Variants in UBE2Q2 observed in about 807,000 individuals in gnomAD.
UBE2Q2 encodes the protein ubiquitin conjugating enzyme E2 Q2, also known as ubiquitin-conjugating enzyme E2 Q2.
UBE2Q2 carries 54 observed loss-of-function variants against 59.9 expected under a neutral mutation model. The ratio of observed to expected loss-of-function variants is 0.90; its 90% confidence interval spans 0.72 to 1.13. The LOEUF (loss-of-function observed/expected upper bound fraction) is 1.13. Among genes scored for constraint, UBE2Q2 ranks in the 50% most tolerant of loss-of-function variants. The pLI, the probability that UBE2Q2 is intolerant of heterozygous loss-of-function variation, is 0.00. For missense variants in UBE2Q2, 433 were observed against 441.9 expected (o/e 0.98, Z 0.18); for synonymous variants, 165 against 155.2 (o/e 1.06, Z -0.47).
chr15:75,846,033 C>G lies in UBE2Q2; in HGVS notation c.180+2187C>G, dbSNP rs576412794. On this transcript the variant is annotated intron_variant, in intron 1 of 12. Coordinates refer to ENST00000267938, the MANE Select transcript of UBE2Q2 (RefSeq NM_173469.4). Reference sequence around the variant, plus strand: ...TAATTATCATGGCAGCTGCTCAGTACAAATGTCTGCTAACTTTTTATTATG... The same window carrying G: ...TAATTATCATGGCAGCTGCTCAGTAGAAATGTCTGCTAACTTTTTATTATG... Among the ~76,000 whole-genome samples, 4 of 152,294 alleles carry G rather than the reference C, an allele frequency of 2.6e-5. No homozygotes were observed. The South Asian group carries it at 8.3e-4, about 32-fold the overall frequency.
chr15:75,867,367 T>C (rs2141598145), intron 3 of UBE2Q2, among the ~76,000 whole-genome samples: 1 of 152,340 alleles, frequency 6.6e-6, no homozygotes, highest in East Asian at 1.9e-4. Flanking sequence ...GTCCCTGCAT[T>C]ATTTGGATTG....
intron 3 of UBE2Q2, among the ~76,000 whole-genome samples, chr15:75,862,548 G>T (rs889638321): frequency 6.6e-6 from 1 of 150,890 alleles, no homozygotes; most frequent in African/African-American, 2.4e-5. Flanking sequence ...TGGGTGTGGT[G>T]GCTCACACGT....
chr15:75,857,131 C>T (rs1391965860), intron 2 of UBE2Q2, among the ~76,000 whole-genome samples: 3 of 151,812 alleles, frequency 2.0e-5, no homozygotes, highest in South Asian at 2.1e-4. Flanking sequence ...CACGTACGTA[C>T]GTATGTTAAG....
At chr15:75,885,018 A>AT (rs1898676824) in intron 9 of UBE2Q2, among the ~76,000 whole-genome samples, 1 of 151,886 alleles carries the variant, frequency 6.6e-6, no homozygotes, top group Non-Finnish European at 1.5e-5. Flanking sequence ...TCTTAATTTT[A>AT]TTTTTTTCAG....
In UBE2Q2 at chr15:75,873,687, G is replaced by C. The variant is rs1386272059; in HGVS notation, c.588+119G>C. 5 of 1,137,970 alleles carry C rather than the reference G, an allele frequency of 4.4e-6. No individual in the cohort carries two copies. The East Asian group carries it at 1.2e-4, about 28-fold the overall frequency. 70.5% of individuals were successfully genotyped at this position (1,137,970 alleles called of 1,614,324 possible). A position where few individuals can be genotyped will look rare whatever the true frequency, so the allele number is the denominator to read the frequency against. ...CCTCTTCCTCCATTTCTGCCTTAGTGGTGGATTCAGTCATGTGTGTTTTAA... is the reference window on the plus strand; with the variant it reads ...CCTCTTCCTCCATTTCTGCCTTAGTCGTGGATTCAGTCATGTGTGTTTTAA... On this transcript the variant is annotated intron_variant, in intron 5 of 12. Transcript: ENST00000267938.
chr15:75,871,852 A>T (rs546619633), intron 4 of UBE2Q2, among the ~76,000 whole-genome samples: 1 of 152,244 alleles, frequency 6.6e-6, no homozygotes, highest in South Asian at 2.1e-4. Flanking sequence ...TAAGCAGGGA[A>T]TAGTGTGCTG....
chr15:75,886,385 G>A (rs1282039101), intron 9 of UBE2Q2, among the ~76,000 whole-genome samples: 1 of 152,054 alleles, frequency 6.6e-6, no homozygotes, highest in Non-Finnish European at 1.5e-5. Flanking sequence ...CTCCCAAAGT[G>A]CTAGGATTAT....
rs755142971 is a variant in UBE2Q2 at position 75,843,649 on chromosome 15, G to T, written c.-18G>T. On this transcript the variant is annotated 5_prime_UTR_variant, in exon 1 of 13. Transcript: ENST00000267938. ...CCGGCTCCCCTTCCGCGCCCCTCCC[G>T]CCGGAGATGAGGGGAAGATGTCCGT... is the stretch of plus-strand genomic sequence containing the variant. 3 of 1,559,698 alleles carry T rather than the reference G, an allele frequency of 1.9e-6. No individual in the cohort carries two copies. The highest frequency in any genetic ancestry group is 2.6e-5 in the East Asian group (1 of 38,362).
chr15:75,867,355 T>A lies in UBE2Q2; in HGVS notation c.388-1596T>A, dbSNP rs185335807. Among the ~76,000 whole-genome samples the A allele has an allele frequency of 1.2e-3, 186 of 152,334 alleles. 1 individual carries two copies. Among genetic ancestry groups the A allele is most frequent in the African/African-American group, 4.2e-3 (174 of 41,580 alleles). On this transcript the variant is annotated intron_variant, in intron 3 of 12. Coordinates refer to ENST00000267938, the MANE Select transcript of UBE2Q2 (RefSeq NM_173469.4). The stretch of plus-strand genomic sequence containing the variant: ...AATGTCTGATTCTTCTGAAAAAAAG[T>A]GGTCCCTGCATTATTTGGATTGAGT...
chr15:75,894,081 T>C (rs1324858876), intron 11 of UBE2Q2, among the ~76,000 whole-genome samples: 1 of 152,228 alleles, frequency 6.6e-6, no homozygotes, highest in Non-Finnish European at 1.5e-5. Flanking sequence ...GTATAACTCA[T>C]GCAAACAGCC....
At chr15:75,880,484 A>ATT (rs112205665) in intron 8 of UBE2Q2, among the ~76,000 whole-genome samples, 8 of 127,856 alleles carry the variant, frequency 6.3e-5, no homozygotes, top group Admixed American at 1.6e-4. Flanking sequence ...AATGTTAATG[A>ATT]TTTTTTTTTT....
chr15:75,894,730 C>T (rs1453405914), intron 11 of UBE2Q2, among the ~76,000 whole-genome samples: 1 of 151,922 alleles, frequency 6.6e-6, no homozygotes, highest in Non-Finnish European at 1.5e-5. Context: ...TTTTGAGTAC[C>T]TTGCTACTGA....
intron 8 of UBE2Q2, among the ~76,000 whole-genome samples, chr15:75,880,365 G>T (rs1164207107): frequency 4.6e-5 from 7 of 151,966 alleles, no homozygotes; most frequent in Non-Finnish European, 7.4e-5. Context: ...TGCCTGCCTC[G>T]GCCTCCCAAA....
At chr15:75,851,337 T>C (rs1483778439) in intron 1 of UBE2Q2, among the ~76,000 whole-genome samples, 1 of 152,042 alleles carries the variant, frequency 6.6e-6, no homozygotes, top group Non-Finnish European at 1.5e-5. Context: ...AACTTGGTCT[T>C]TCTTGAACTT....
chr15:75,843,999 C>T (rs1896171533), intron 1 of UBE2Q2, 153 bp downstream of exon 1: 2 of 1,406,792 alleles, frequency 1.4e-6, no homozygotes, highest in Non-Finnish European at 9.2e-7. Context: ...CCATCCCAGG[C>T]CGGGCTGGGA....
At chr15:75,874,842 G>A (rs887002538) in intron 5 of UBE2Q2, among the ~76,000 whole-genome samples, 1 of 152,146 alleles carries the variant, frequency 6.6e-6, no homozygotes, top group Admixed American at 6.5e-5. Flanking sequence ...GACCAACTCC[G>A]TGAAATCTGA....
chr15:75,893,023 G>T (rs1318859162), intron 11 of UBE2Q2, among the ~76,000 whole-genome samples: 1 of 152,128 alleles, frequency 6.6e-6, no homozygotes, highest in Non-Finnish European at 1.5e-5. Context: ...GGGGTTGGTG[G>T]GGAGAGATCA....
rs575587619 is a variant in UBE2Q2, at chr15:75,859,666, G to GT, written c.283-210dup. Among the ~76,000 whole-genome samples the GT allele has an allele frequency of 3.9e-3, 591 of 152,278 alleles. 3 individuals carry two copies. The highest frequency in any genetic ancestry group is 0.013 in the African/African-American group (547 of 41,562). On this transcript the variant is annotated intron_variant, in intron 2 of 12. Coordinates refer to ENST00000267938, the MANE Select transcript of UBE2Q2 (RefSeq NM_173469.4). Reference sequence around the variant, plus strand: ...ATTGTTGTCATTCTGCTAGGTATCAGTTGTAGTGATTATACCCCAAGCCAT... The same window carrying GT: ...ATTGTTGTCATTCTGCTAGGTATCAGTTTGTAGTGATTATACCCCAAGCCAT...
chr15:75,879,056 C>CT (rs1186949518), intron 7 of UBE2Q2, 42 bp from the exon 8 acceptor site: 5 of 1,418,218 alleles, frequency 3.5e-6, no homozygotes, highest in African/African-American at 1.5e-5. Flanking sequence ...AAAAAAATCT[C>CT]TAACTTTTTA....
Sources: allele counts gnomAD v4.1 joint callset (sites outside exome capture counted in the v4.1 genomes callset), GRCh38; gene constraint gnomAD v4.1.1; transcripts MANE v1.5; gene names NCBI Gene and HGNC (gene_info 2026-07-23, HGNC 2026-07-21).